The following SNTG1 variants were observed in gnomAD, a reference collection of about 807,000 sequenced individuals.
SNTG1 encodes the protein syntrophin gamma 1.
A neutral mutation model predicts 74.7 loss-of-function variants in SNTG1; 39 were observed. That is an observed-to-expected ratio of 0.52 (90% CI 0.40 to 0.68). The LOEUF is 0.68. Ranked by LOEUF, SNTG1 falls within the 30% of genes least tolerant of loss-of-function variation. SNTG1 has a pLI of 0.00. For missense variants in SNTG1, 685 were observed against 609.5 expected (o/e 1.12, Z -1.30); for synonymous variants, 254 against 217.1 (o/e 1.17, Z -1.49).
At chr8:50,303,636 A>ATTTTCAAATAG (rs2089750479) in intron 2 of SNTG1, among the ~76,000 whole-genome samples, 3 of 152,018 alleles carry the variant, frequency 2.0e-5, no homozygotes, top group Non-Finnish European at 4.4e-5. Context: ...TTTACAATGC[A>ATTTTCAAATAG]TATGCTTTGG....
chr8:49,956,988 C>T (rs1195375225), intron 1 of SNTG1, among the ~76,000 whole-genome samples: 3 of 152,022 alleles, frequency 2.0e-5, no homozygotes, highest in African/African-American at 7.3e-5. Context: ...GGTGTTTTGC[C>T]AGGGGATAGG....
chr8:50,301,077 G>T (rs1191987285), intron 2 of SNTG1, among the ~76,000 whole-genome samples: 1 of 151,992 alleles, frequency 6.6e-6, no homozygotes, highest in African/African-American at 2.4e-5. Context: ...ATCCTATTTG[G>T]AGTTTATGGA....
intron 1 of SNTG1, among the ~76,000 whole-genome samples, chr8:49,960,936 C>T (rs1187730651): frequency 2.0e-5 from 3 of 152,076 alleles, no homozygotes; most frequent in Admixed American, 6.6e-5. Flanking sequence ...TAGGGCCCTA[C>T]ACAGGAAGAG....
chr8:50,520,022 G>T (rs1336087337), intron 9 of SNTG1, among the ~76,000 whole-genome samples: 1 of 152,144 alleles, frequency 6.6e-6, no homozygotes, highest in Non-Finnish European at 1.5e-5. Flanking sequence ...GAGGCATCAT[G>T]CTACCTGACT....
chr8:49,920,435 G>T (rs1476705631), intron 1 of SNTG1, among the ~76,000 whole-genome samples: 1 of 151,914 alleles, frequency 6.6e-6, no homozygotes, highest in African/African-American at 2.4e-5. Flanking sequence ...TGAGATTTAG[G>T]ATCAATATTT....
intron 8 of SNTG1, among the ~76,000 whole-genome samples, chr8:50,473,540 C>A (rs529710404): frequency 6.6e-6 from 1 of 152,248 alleles, no homozygotes; most frequent in Non-Finnish European, 1.5e-5. Context: ...ACATAGCTAC[C>A]ATATGATCCA....
chr8:50,394,670 G>T (rs1272807301), intron 3 of SNTG1, among the ~76,000 whole-genome samples: 1 of 151,996 alleles, frequency 6.6e-6, no homozygotes, highest in South Asian at 2.1e-4. Flanking sequence ...TATTATTTAA[G>T]TATTAATACA....
At chr8:50,343,158 C>G (rs779697419) in intron 2 of SNTG1, among the ~76,000 whole-genome samples, 5 of 152,130 alleles carry the variant, frequency 3.3e-5, no homozygotes, top group African/African-American at 1.2e-4. Context: ...GAATTGCACC[C>G]GGTCAGACCT....
intron 11 of SNTG1, among the ~76,000 whole-genome samples, chr8:50,548,661 A>C (rs1207597137): frequency 6.6e-6 from 1 of 152,182 alleles, no homozygotes; most frequent in Non-Finnish European, 1.5e-5. Context: ...CTACACAAAC[A>C]TGTTTAATAC....
intron 1 of SNTG1, among the ~76,000 whole-genome samples, chr8:50,126,235 T>C (rs1383865749): frequency 2.0e-5 from 3 of 152,140 alleles, no homozygotes; most frequent in Non-Finnish European, 4.4e-5. Context: ...ACTAAATTTC[T>C]AAGAATCTCA....
intron 3 of SNTG1, 40 bp downstream of exon 3, chr8:50,394,305 G>C (rs1448067919): frequency 3.1e-6 from 5 of 1,598,898 alleles, no homozygotes; most frequent in Non-Finnish European, 4.3e-6. Context: ...AGGGAAAACA[G>C]AATATAAGCG....
chr8:50,735,490 A>T (rs2131638422), intron 17 of SNTG1, among the ~76,000 whole-genome samples: 1 of 151,988 alleles, frequency 6.6e-6, no homozygotes, highest in South Asian at 2.1e-4. Context: ...AAGTATCAAT[A>T]GTCAAATCGA....
At chr8:50,594,096 G>A (rs1021795955) in intron 13 of SNTG1, among the ~76,000 whole-genome samples, 11 of 152,034 alleles carry the variant, frequency 7.2e-5, no homozygotes, top group Admixed American at 2.6e-4. Context: ...ATGAAAGGCG[G>A]GACAGTTGTC....
intron 10 of SNTG1, among the ~76,000 whole-genome samples, chr8:50,531,748 C>A (rs2094270076): frequency 6.6e-6 from 1 of 152,114 alleles, no homozygotes; most frequent in African/African-American, 2.4e-5. Flanking sequence ...GTCCCTCACA[C>A]AAGAATCTCC....
At chr8:50,577,508 G>A (rs2094583966) in intron 12 of SNTG1, among the ~76,000 whole-genome samples, 1 of 149,144 alleles carries the variant, frequency 6.7e-6, no homozygotes, top group African/African-American at 2.5e-5. Flanking sequence ...GTATCAGAGT[G>A]ATAATGGCCT....
intron 13 of SNTG1, among the ~76,000 whole-genome samples, chr8:50,618,023 A>G (rs7017918): frequency 0.17 from 26,326 of 152,188 alleles, 5,505 homozygotes; most frequent in African/African-American, 0.5. Flanking sequence ...AAAGTCTGGC[A>G]GACAGCAACT....
At chr8:50,478,310 T>G (rs753801755) in intron 8 of SNTG1, among the ~76,000 whole-genome samples, 1 of 152,194 alleles carries the variant, frequency 6.6e-6, no homozygotes, top group Non-Finnish European at 1.5e-5. Context: ...CCTAATATAT[T>G]TCTATACTTG....
intron 2 of SNTG1, among the ~76,000 whole-genome samples, chr8:50,349,704 T>C (rs2923059): frequency 0.35 from 53,978 of 152,106 alleles, 9,716 homozygotes; most frequent in Middle Eastern, 0.44. Context: ...TATGGGATTC[T>C]TTCATAAGGC....
chr8:50,024,144 A>T (rs1362695063), intron 1 of SNTG1, among the ~76,000 whole-genome samples: 1 of 152,104 alleles, frequency 6.6e-6, no homozygotes, highest in Non-Finnish European at 1.5e-5. Context: ...AAAAAATGAG[A>T]ATGCCCTTCT....
Sources: allele counts gnomAD v4.1 joint callset (sites outside exome capture counted in the v4.1 genomes callset), GRCh38; gene constraint gnomAD v4.1.1; transcripts MANE v1.5; gene names NCBI Gene and HGNC (gene_info 2026-07-23, HGNC 2026-07-21).